Variants in NPAS3 observed in about 807,000 individuals in gnomAD.
NPAS3 encodes neuronal PAS domain-containing protein 3.
Under a neutral mutation model 73.1 loss-of-function variants are expected in NPAS3, and 14 were observed. The ratio of observed to expected loss-of-function variants is 0.19; its 90% CI spans 0.13 to 0.30. NPAS3 has a LOEUF of 0.30. Ranked by LOEUF, NPAS3 falls within the 10% of genes least tolerant of loss-of-function variation. The pLI, the probability that NPAS3 is intolerant of heterozygous loss-of-function variation, is 1.00. For missense variants in NPAS3, 1,096 were observed against 1,250.0 expected (o/e 0.88, Z 1.86); for synonymous variants, 620 against 541.5 (o/e 1.14, Z -2.01).
intron 8 of NPAS3, among the ~76,000 whole-genome samples, chr14:33,774,777 G>A (rs372241830): frequency 1.3e-5 from 2 of 152,248 alleles, no homozygotes; most frequent in African/African-American, 4.8e-5. Context: ...TATAAAGAAG[G>A]TCCATTTTGG....
chr14:33,073,309 A>G (rs1307806881), intron 2 of NPAS3, among the ~76,000 whole-genome samples: 3 of 152,228 alleles, frequency 2.0e-5, no homozygotes, highest in African/African-American at 7.2e-5. Context: ...TATTTAGTGA[A>G]TGCCTACTAA....
chr14:33,452,391 T>G (rs2049833339), intron 4 of NPAS3, among the ~76,000 whole-genome samples: 1 of 152,186 alleles, frequency 6.6e-6, no homozygotes, highest in South Asian at 2.1e-4. Flanking sequence ...GCCTCTAATT[T>G]TCTAGTTTAA....
At chr14:33,581,148 C>T (rs1285025304) in intron 5 of NPAS3, among the ~76,000 whole-genome samples, 4 of 151,960 alleles carry the variant, frequency 2.6e-5, no homozygotes, top group Non-Finnish European at 5.9e-5. Context: ...TGAACACAAG[C>T]GAAAACATGT....
At chr14:33,141,975 A>T (rs2044063751) in intron 2 of NPAS3, among the ~76,000 whole-genome samples, 1 of 152,202 alleles carries the variant, frequency 6.6e-6, no homozygotes, top group Admixed American at 6.5e-5. Context: ...AAAAATTAGT[A>T]TTCCATTGAA....
intron 3 of NPAS3, among the ~76,000 whole-genome samples, chr14:33,323,110 G>A (rs1476039148): frequency 1.3e-5 from 2 of 151,772 alleles, no homozygotes; most frequent in East Asian, 3.9e-4. Flanking sequence ...GCACATATAG[G>A]TACTCAATAA....
intron 2 of NPAS3, among the ~76,000 whole-genome samples, chr14:33,165,416 T>C (rs1271087040): frequency 6.6e-6 from 1 of 151,976 alleles, no homozygotes; most frequent in Non-Finnish European, 1.5e-5. Flanking sequence ...CTATGGGGAC[T>C]ACAGAGAATT....
At chr14:33,104,201 C>T (rs1405989148) in intron 2 of NPAS3, among the ~76,000 whole-genome samples, 1 of 152,198 alleles carries the variant, frequency 6.6e-6, no homozygotes, top group East Asian at 1.9e-4. Flanking sequence ...AACACCTTCA[C>T]TTATAACAAG....
At chr14:33,258,260 G>T (rs1382297681) in intron 3 of NPAS3, among the ~76,000 whole-genome samples, 1 of 152,148 alleles carries the variant, frequency 6.6e-6, no homozygotes, top group African/African-American at 2.4e-5. Context: ...AGCCCAGTGT[G>T]TTGGCACACA....
chr14:33,636,406 A>G (rs556537938), intron 5 of NPAS3, among the ~76,000 whole-genome samples: 56 of 152,300 alleles, frequency 3.7e-4, no homozygotes, highest in Non-Finnish European at 1.8e-4. Flanking sequence ...ACTGCTATGC[A>G]CAGCTATAGC....
chr14:32,993,129 A>G (rs888533724), intron 1 of NPAS3, among the ~76,000 whole-genome samples: 2 of 151,708 alleles, frequency 1.3e-5, no homozygotes, highest in East Asian at 3.9e-4. Flanking sequence ...CACCTGGGCA[A>G]CAAGAGTGAA....
chr14:33,181,831 A>G (rs1423865440), intron 2 of NPAS3, among the ~76,000 whole-genome samples: 1 of 152,214 alleles, frequency 6.6e-6, no homozygotes, highest in East Asian at 1.9e-4. Flanking sequence ...TACTGCATGT[A>G]AATAAATGCA....
chr14:33,794,830 T>C (rs558404053), intron 10 of NPAS3, among the ~76,000 whole-genome samples: 1 of 152,190 alleles, frequency 6.6e-6, no homozygotes, highest in African/African-American at 2.4e-5. Flanking sequence ...CATCTTGAGT[T>C]TGGGGGCAGG....
intron 10 of NPAS3, among the ~76,000 whole-genome samples, chr14:33,797,213 G>T (rs943436711): frequency 6.6e-6 from 1 of 152,190 alleles, no homozygotes; most frequent in African/African-American, 2.4e-5. Flanking sequence ...TTATTTAAAA[G>T]CTTCTCTCCA....
At chr14:33,204,445 A>T (rs1046374587) in intron 2 of NPAS3, among the ~76,000 whole-genome samples, 1 of 152,160 alleles carries the variant, frequency 6.6e-6, no homozygotes, top group African/African-American at 2.4e-5. Flanking sequence ...AGACCCCAAG[A>T]TACCATCTAT....
At chr14:33,235,603 T>C (rs1250347837) in intron 3 of NPAS3, among the ~76,000 whole-genome samples, 1 of 152,024 alleles carries the variant, frequency 6.6e-6, no homozygotes, top group Non-Finnish European at 1.5e-5. Flanking sequence ...TGCACATATA[T>C]ACACCCAAAT....
upstream of NPAS3, among the ~76,000 whole-genome samples, chr14:32,935,848 T>A (rs1396443926): frequency 1.3e-5 from 2 of 152,226 alleles, no homozygotes; most frequent in African/African-American, 4.8e-5. Flanking sequence ...ACTGAAAATG[T>A]AATCCACGAA....
At chr14:33,489,316 C>A (rs1341168202) in intron 4 of NPAS3, among the ~76,000 whole-genome samples, 2 of 152,096 alleles carry the variant, frequency 1.3e-5, no homozygotes, top group East Asian at 3.9e-4. Context: ...ACATGGTAAA[C>A]AATAACTACA....
At chr14:32,964,123 A>T (rs1365171309) in intron 1 of NPAS3, among the ~76,000 whole-genome samples, 3 of 137,730 alleles carry the variant, frequency 2.2e-5, no homozygotes, top group African/African-American at 7.8e-5. Context: ...CAACTGGGAA[A>T]GTTTCTTCAG....
At chr14:33,272,590 T>C (rs1392337303) in intron 3 of NPAS3, among the ~76,000 whole-genome samples, 1 of 152,042 alleles carries the variant, frequency 6.6e-6, no homozygotes, top group African/African-American at 2.4e-5. Flanking sequence ...CTAGCTTCTG[T>C]GTTTTTAATA....
Sources: allele counts gnomAD v4.1 joint callset (sites outside exome capture counted in the v4.1 genomes callset), GRCh38; gene constraint gnomAD v4.1.1; transcripts MANE v1.5; gene names NCBI Gene and HGNC (gene_info 2026-07-23, HGNC 2026-07-21).